Variants in ANKRD36B observed in about 807,000 individuals in gnomAD.
The protein encoded by ANKRD36B is ankyrin repeat domain 36B.
In ANKRD36B, 37 loss-of-function variants were observed where a neutral mutation model predicts 135.7. That is an observed-to-expected ratio of 0.27 (90% confidence interval 0.21 to 0.36). The LOEUF is 0.36. Ranked by LOEUF, ANKRD36B falls within the 10% of genes least tolerant of loss-of-function variation. The pLI is 1.00. For synonymous variants in ANKRD36B, 179 were observed against 348.1 expected (o/e 0.51, Z 5.41); for missense variants, 549 against 1,037.1 (o/e 0.53, Z 6.46).
chr2:97,571,168 A>C (rs2104880478), intron 6 of ANKRD36B, among the ~76,000 whole-genome samples: 1 of 152,272 alleles, frequency 6.6e-6, no homozygotes. Context: ...TCAACTCACC[A>C]AGGTTTCTTT....
At position 97,540,214 on chromosome 2, in the gene ANKRD36B, C is replaced by T. The variant is rs536823787; in HGVS notation, c.1901G>A (p.Arg634Gln). The change falls in exon 29 of 44, where the codon CGA becomes CAA. Residue 634 changes from arginine (R) to glutamine (Q), a missense_variant. Arg to Gln is a conservative substitution (Grantham distance 43). Transcript: ENST00000359901. Reference protein sequence around the residue: ...QIRGTVSSQRRPALKTTGDEK... With the variant: ...QIRGTVSSQRQPALKTTGDEK... ...GAGTTTAATTACCTTCAAGGCTGGT[C>T]GTCTCTGAGAAGACACTGAAAAGCA... is the stretch of plus-strand genomic sequence containing the variant. 7.2e-6 allele frequency: 7 copies of T among 967,490 alleles called. 2 individuals carry two copies. The highest frequency in any genetic ancestry group is 7.8e-6 in the Non-Finnish European group (5 of 641,356). 59.9% of individuals were successfully genotyped at this position (967,490 alleles called of 1,614,324 possible). A position where few individuals can be genotyped will look rare whatever the true frequency, so the allele number is the denominator to read the frequency against.
intron 43 of ANKRD36B, among the ~76,000 whole-genome samples, chr2:97,496,853 A>ATATATATATATATATATG (rs1332942249): frequency 1.4e-5 from 1 of 72,210 alleles, no homozygotes; most frequent in African/African-American, 6.4e-5. Context: ...ATATATATAT[A>ATATATATATATATATATG]TATATATCTT....
At chr2:97,566,134 G>C (rs2081409690) in intron 6 of ANKRD36B, among the ~76,000 whole-genome samples, 1 of 147,882 alleles carries the variant, frequency 6.8e-6, no homozygotes, top group Non-Finnish European at 1.5e-5. Context: ...GCCAAACATG[G>C]TGAAACCCCA....
chr2:97,514,398 ATCTTT>A (rs2077710711), intron 37 of ANKRD36B, among the ~76,000 whole-genome samples: 2 of 93,628 alleles, frequency 2.1e-5, no homozygotes, highest in African/African-American at 9.9e-5. Context: ...GATAAAAATT[ATCTTT>A]TCTTCACAGT....
At position 97,537,876 on chromosome 2, in the gene ANKRD36B, T is replaced by C. The variant is rs551705128; in HGVS notation, c.2089+292A>G. Among the ~76,000 whole-genome samples, 2 of 96,556 alleles carry C rather than the reference T, an allele frequency of 2.1e-5. 1 individual carries two copies. Among genetic ancestry groups the C allele is most frequent in the South Asian group, 4.7e-4 (2 of 4,250 alleles). The allele number at this position is 96,556 out of a possible 152,430, so 63.3% of individuals were successfully genotyped here. On this transcript the variant is annotated intron_variant, in intron 32 of 43. Transcript: ENST00000359901. Reference sequence around the variant, plus strand: ...CTTTCCATAGAAACATGCTCTGAAATAAGAGCAAAATTATGCTGTCCCCGG... The same window carrying C: ...CTTTCCATAGAAACATGCTCTGAAACAAGAGCAAAATTATGCTGTCCCCGG...
At chr2:97,554,938 A>C (rs1468275925) in intron 14 of ANKRD36B, 122 bp downstream of exon 14, 1 of 1,285,700 alleles carries the variant, frequency 7.8e-7, no homozygotes, top group Non-Finnish European at 1.1e-6. Flanking sequence ...CAGATGAAGA[A>C]TCTCTGGCCT....
chr2:97,582,274 A>G (rs1434477726), intron 3 of ANKRD36B, among the ~76,000 whole-genome samples: 1 of 152,196 alleles, frequency 6.6e-6, no homozygotes, highest in East Asian at 1.9e-4. Context: ...AAACACCACC[A>G]TCTAAATTCA....
chr2:97,537,096 A>G lies in ANKRD36B; in HGVS notation c.2090-600T>C, dbSNP rs2078929588. Among the ~76,000 whole-genome samples, 2 of 96,444 alleles carry G rather than the reference A, an allele frequency of 2.1e-5. 1 individual carries two copies. Among genetic ancestry groups the G allele is most frequent in the African/African-American group, 6.2e-5 (2 of 32,192 alleles). 63.3% of individuals were successfully genotyped at this position (96,444 alleles called of 152,430 possible). ...GCCCATGTGGTGTAATAGTCTGCCT[A>G]CATTTCTTATATCCTCTAGTTTAGC... On this transcript the variant is annotated intron_variant, in intron 32 of 43. Coordinates refer to ENST00000359901, the MANE Select transcript of ANKRD36B (RefSeq NM_001393939.1).
At position 97,529,747 on chromosome 2, in the gene ANKRD36B, T is replaced by G. The variant is rs1238278672; in HGVS notation, c.2265+2564A>C. On this transcript the variant is annotated intron_variant, in intron 35 of 43. Transcript: ENST00000359901. ...CAATGTACAAAAATCACAAGCATTCTTATACAACAATAACAGACAAACAGA... is the reference window on the plus strand; with the variant it reads ...CAATGTACAAAAATCACAAGCATTCGTATACAACAATAACAGACAAACAGA... Among the ~76,000 whole-genome samples the G allele has an allele frequency of 2.1e-5, 2 of 93,572 alleles. 1 individual carries two copies. The highest frequency in any genetic ancestry group is 5.8e-5 in the Non-Finnish European group (2 of 34,296). 61.4% of individuals were successfully genotyped at this position (93,572 alleles called of 152,430 possible).
chr2:97,582,088 G>A (rs1268287499), intron 3 of ANKRD36B, among the ~76,000 whole-genome samples: 3 of 151,564 alleles, frequency 2.0e-5, no homozygotes, highest in Non-Finnish European at 4.4e-5. Flanking sequence ...GATTACAGGC[G>A]TGAGCCACTG....
intron 24 of ANKRD36B, among the ~76,000 whole-genome samples, chr2:97,545,287 C>T (rs2079357533): frequency 1.0e-5 from 1 of 95,492 alleles, no homozygotes; most frequent in South Asian, 2.4e-4. Flanking sequence ...ATTAGGATCA[C>T]TTTTCCCTCT....
intron 8 of ANKRD36B, 30 bp downstream of exon 8, chr2:97,560,635 C>A: frequency 6.3e-7 from 1 of 1,599,134 alleles, no homozygotes; most frequent in Non-Finnish European, 8.5e-7. Flanking sequence ...CTTGATTGAA[C>A]ATGACATTAG....
In ANKRD36B at chr2:97,529,020, T is replaced by C. The variant is rs185098977; in HGVS notation, c.2265+3291A>G. 3.2e-3 allele frequency among the ~76,000 whole-genome samples: 311 copies of C among 95,834 alleles called. 79 individuals carry two copies. The highest frequency in any genetic ancestry group is 0.012 in the East Asian group (52 of 4,274). 62.9% of individuals were successfully genotyped at this position (95,834 alleles called of 152,430 possible). On this transcript the variant is annotated intron_variant, in intron 35 of 43. Coordinates refer to ENST00000359901, the MANE Select transcript of ANKRD36B (RefSeq NM_001393939.1). ...TTCCTTCTGAAACTATTCCAATCAA[T>C]AGAAAAGAGGGAATCCTCCCTAACT...
In ANKRD36B at chr2:97,555,150, C is replaced by A; in HGVS notation, c.1099-18G>T. ...CTTGCAGTCTGAAAGTAATTTGAAG[C>A]AAATTATCAATAAAGAAAGTATGTT... is the stretch of plus-strand genomic sequence containing the variant. On this transcript the variant is annotated intron_variant, in intron 13 of 43. Coordinates refer to ENST00000359901, the MANE Select transcript of ANKRD36B (RefSeq NM_001393939.1). 6.2e-7 allele frequency: 1 copy of A among 1,611,442 alleles called. No homozygotes were observed. The highest frequency in any genetic ancestry group is 8.5e-7 in the Non-Finnish European group (1 of 1,178,478).
chr2:97,570,227 C>A (rs1329283288), intron 6 of ANKRD36B, among the ~76,000 whole-genome samples: 1 of 152,016 alleles, frequency 6.6e-6, no homozygotes, highest in Non-Finnish European at 1.5e-5. Flanking sequence ...GAAATAAGCA[C>A]CATGCTATGT....
At position 97,545,850 on chromosome 2, in the gene ANKRD36B, T is replaced by C; in HGVS notation, c.1591A>G (p.Lys531Glu). 2.1e-6 allele frequency: 2 copies of C among 959,550 alleles called. 1 individual carries two copies. The highest frequency in any genetic ancestry group is 3.2e-6 in the Non-Finnish European group (2 of 632,312). The allele number at this position is 959,550 out of a possible 1,614,324, so 59.4% of individuals were successfully genotyped here. Residue 531 changes from lysine to glutamate, a missense_variant, in exon 23 of 44, where the codon AAA becomes GAA. Lys to Glu is a moderately conservative substitution (Grantham distance 56, BLOSUM62 1). Coordinates refer to ENST00000359901, the MANE Select transcript of ANKRD36B (RefSeq NM_001393939.1). ...GEKTRRVSSH[K>E]QPSLKATSDK... ...TTAATTACCTTCAAGGATGGTTGTT[T>C]ATGAGAAGACACTGAAAAGCAAAAG...
At chr2:97,586,129 A>G (rs1199485323) in intron 1 of ANKRD36B, among the ~76,000 whole-genome samples, 1 of 152,206 alleles carries the variant, frequency 6.6e-6, no homozygotes, top group Non-Finnish European at 1.5e-5. Context: ...TATAATTGGC[A>G]CCTAAATGAA....
intron 20 of ANKRD36B, among the ~76,000 whole-genome samples, chr2:97,547,962 A>G (rs943253517): frequency 1.3e-5 from 2 of 151,832 alleles, no homozygotes; most frequent in African/African-American, 4.8e-5. Flanking sequence ...GATTTGTTAT[A>G]TGCCAAAAAC....
chr2:97,585,399 C>A lies in ANKRD36B; in HGVS notation c.162-1G>T. 6.4e-7 allele frequency: 1 copy of A among 1,564,794 alleles called. No homozygotes were observed. Among genetic ancestry groups the A allele is most frequent in the Non-Finnish European group, 8.7e-7 (1 of 1,153,282 alleles). On this transcript the variant is annotated splice_acceptor_variant, in intron 1 of 43. Transcript: ENST00000359901. LOFTEE classifies it high-confidence loss of function. The stretch of plus-strand genomic sequence containing the variant: ...GGCACAGGCCAAATGTAGGGCAGTC[C>A]TGTGAGAGTGACAGGACTTTTTAAA...
Sources: gnomAD v4.1 joint callset for allele counts (sites outside exome capture counted in the v4.1 genomes callset) on GRCh38, gnomAD v4.1.1 for gene constraint, MANE v1.5 for transcripts, NCBI Gene and HGNC (gene_info 2026-07-23, HGNC 2026-07-21) for gene names.